Variants in CRY1 observed in about 807,000 individuals in gnomAD.
CRY1 encodes the protein cryptochrome-1.
CRY1 carries 45 observed loss-of-function variants against 76.0 expected under a neutral mutation model. The ratio of observed to expected loss-of-function variants is 0.59; its 90% confidence interval spans 0.47 to 0.76. The LOEUF (loss-of-function observed/expected upper bound fraction) is 0.76, where lower values mean the gene tolerates loss of function less well. CRY1 is among the 30% of genes least tolerant of loss of function. The pLI is 0.00. For missense variants in CRY1, 587 were observed against 716.4 expected, an observed-to-expected ratio of 0.82 and a Z score of 2.06; for synonymous variants, 248 against 244.0, an observed-to-expected ratio of 1.02 and a Z score of -0.15.
chr12:107,086,879 G>A (rs146810973), intron 1 of CRY1, among the ~76,000 whole-genome samples: 1,906 of 152,258 alleles, frequency 0.013, 33 homozygotes, highest in African/African-American at 0.043. Context: ...GTAGAGCAGC[G>A]GGAACAGGGG....
At chr12:107,070,833 T>G (rs904845597) in intron 1 of CRY1, among the ~76,000 whole-genome samples, 8 of 150,570 alleles carry the variant, frequency 5.3e-5, no homozygotes, top group Non-Finnish European at 1.2e-4. Flanking sequence ...CCTGAGTAGC[T>G]GGGACTACAG....
At chr12:106,999,467 A>T in intron 7 of CRY1, 84 bp downstream of exon 7, 1 of 1,307,008 alleles carries the variant, frequency 7.7e-7, no homozygotes, top group Non-Finnish European at 1.1e-6. Flanking sequence ...AAATGAATCT[A>T]TAAACAGACA....
chr12:107,087,679 G>C (rs546270978), intron 1 of CRY1, among the ~76,000 whole-genome samples: 23 of 152,296 alleles, frequency 1.5e-4, no homozygotes, highest in African/African-American at 4.6e-4. Flanking sequence ...TCTCGGATAA[G>C]ATTTTAGACT....
rs188949699 is a variant in CRY1 at position 107,011,678 on chromosome 12, G to C, written c.268-6430C>G. Among the ~76,000 whole-genome samples the C allele has an allele frequency of 9.5e-4, 145 of 152,360 alleles. 1 individual carries two copies. The highest frequency in any genetic ancestry group is 3.3e-3 in the African/African-American group (137 of 41,594). Reference sequence around the variant, plus strand: ...GCTGCAGAAGGAAAGTTGGAAGCTAGCAGAGGTTGGTTCATAAGGTTTAAG... The same window carrying C: ...GCTGCAGAAGGAAAGTTGGAAGCTACCAGAGGTTGGTTCATAAGGTTTAAG... On this transcript the variant is annotated intron_variant, in intron 2 of 12. Coordinates refer to ENST00000008527, the MANE Select transcript of CRY1 (RefSeq NM_004075.5).
At chr12:107,007,213 G>C (rs970729304) in intron 2 of CRY1, among the ~76,000 whole-genome samples, 6 of 152,260 alleles carry the variant, frequency 3.9e-5, no homozygotes, top group South Asian at 2.1e-4. Context: ...TTTATAGTGA[G>C]GTAGTATAGA....
chr12:107,062,609 T>C (rs1376076621), intron 1 of CRY1, among the ~76,000 whole-genome samples: 2 of 152,186 alleles, frequency 1.3e-5, no homozygotes, highest in Non-Finnish European at 1.5e-5. Flanking sequence ...TAGTAAGTTA[T>C]CTTGCAGATC....
At chr12:106,995,251 GGTAGGCA>G (rs1294600801) in intron 10 of CRY1, among the ~76,000 whole-genome samples, 1 of 152,218 alleles carries the variant, frequency 6.6e-6, no homozygotes, top group Non-Finnish European at 1.5e-5. Flanking sequence ...ACTGGGCAAA[GGTAGGCA>G]GTCAAAATGT....
chr12:107,072,797 A>C (rs1953206239), intron 1 of CRY1: 1 of 152,230 alleles, frequency 6.6e-6, no homozygotes, highest in Non-Finnish European at 1.5e-5. Context: ...GATATTACAC[A>C]GACACTTTCT....
At chr12:107,055,977 G>C (rs988909172) in intron 1 of CRY1, among the ~76,000 whole-genome samples, 2 of 152,144 alleles carry the variant, frequency 1.3e-5, no homozygotes, top group African/African-American at 4.8e-5. Flanking sequence ...AAAAATACTG[G>C]TTAAGATATA....
intron 1 of CRY1, among the ~76,000 whole-genome samples, chr12:107,076,855 C>A (rs1450104729): frequency 6.6e-6 from 1 of 151,954 alleles, no homozygotes; most frequent in Non-Finnish European, 1.5e-5. Flanking sequence ...GAAATCTGGT[C>A]ATTTAAAAGT....
At chr12:107,089,934 C>T (rs907102961) in intron 1 of CRY1, among the ~76,000 whole-genome samples, 4 of 152,148 alleles carry the variant, frequency 2.6e-5, no homozygotes, top group African/African-American at 9.7e-5. Flanking sequence ...AAGACTTTTG[C>T]CTCTGACACT....
intron 1 of CRY1, among the ~76,000 whole-genome samples, chr12:107,081,137 A>G (rs573604286): frequency 4.6e-5 from 7 of 152,134 alleles, no homozygotes; most frequent in Non-Finnish European, 1.0e-4. Context: ...GTAAGGATGT[A>G]GGCACATTTA....
chr12:106,999,226 G>A (rs879432373), intron 7 of CRY1, among the ~76,000 whole-genome samples: 1 of 151,968 alleles, frequency 6.6e-6, no homozygotes, highest in Non-Finnish European at 1.5e-5. Flanking sequence ...GAACTCTTTA[G>A]TGAATTCTTT....
chr12:107,061,919 A>C (rs953713148), intron 1 of CRY1, among the ~76,000 whole-genome samples: 14 of 150,906 alleles, frequency 9.3e-5, no homozygotes, highest in Admixed American at 4.6e-4. Flanking sequence ...GCTACTTGGG[A>C]GGCTGAGGCA....
At chr12:107,065,905 A>G (rs915142975) in intron 1 of CRY1, among the ~76,000 whole-genome samples, 20 of 152,216 alleles carry the variant, frequency 1.3e-4, no homozygotes, top group African/African-American at 4.3e-4. Flanking sequence ...CACATGCTCA[A>G]CCCAGCCCTA....
chr12:107,072,439 C>T (rs4964518), intron 1 of CRY1, among the ~76,000 whole-genome samples: 30,815 of 152,012 alleles, frequency 0.2, 6,024 homozygotes, highest in African/African-American at 0.5. Flanking sequence ...ACAGGAATCT[C>T]GAAATTGCTA....
At chr12:107,010,313 T>C (rs1370392364) in intron 2 of CRY1, among the ~76,000 whole-genome samples, 3 of 152,196 alleles carry the variant, frequency 2.0e-5, no homozygotes, top group Non-Finnish European at 4.4e-5. Context: ...TATTAATGTT[T>C]TCAAAGAACC....
intron 1 of CRY1, among the ~76,000 whole-genome samples, chr12:107,062,170 G>A (rs545467352): frequency 2.7e-5 from 4 of 150,940 alleles, no homozygotes; most frequent in East Asian, 1.9e-4. Flanking sequence ...TATTGACATC[G>A]TATTATGAAT....
chr12:107,062,025 C>CAAAAAAAAA (rs35683352), intron 1 of CRY1, among the ~76,000 whole-genome samples: 23 of 93,506 alleles, frequency 2.5e-4, no homozygotes, highest in Admixed American at 3.5e-4. Flanking sequence ...GACCCTGTCT[C>CAAAAAAAAA]AAAAAAAAAA....
Sources: allele counts gnomAD v4.1 joint callset (sites outside exome capture counted in the v4.1 genomes callset), GRCh38; gene constraint gnomAD v4.1.1; transcripts MANE v1.5; gene names NCBI Gene and HGNC (gene_info 2026-07-23, HGNC 2026-07-21).